OCA2: variants seen among roughly 807,000 people sequenced by gnomAD.
OCA2 encodes P protein.
In OCA2, 77 loss-of-function variants were observed where a neutral mutation model predicts 100.2. The observed-to-expected ratio is 0.77, with a 90% confidence interval of 0.64 to 0.93. The LOEUF (loss-of-function observed/expected upper bound fraction) is 0.93, where lower values mean the gene tolerates loss of function less well. Ranked by LOEUF, OCA2 falls within the 40% of genes least tolerant of loss-of-function variation. The pLI is 0.00. For synonymous variants in OCA2, 432 were observed against 439.2 expected, an observed-to-expected ratio of 0.98 and a Z score of 0.21; for missense variants, 1,062 against 1,089.1, an observed-to-expected ratio of 0.98 and a Z score of 0.35.
intron 2 of OCA2, among the ~76,000 whole-genome samples, chr15:28,056,499 C>T (rs767975786): frequency 1.3e-4 from 20 of 152,246 alleles, no homozygotes; most frequent in Non-Finnish European, 7.3e-5. Flanking sequence ...ACTGGGAAAA[C>T]GGTTGCCCTC....
chr15:27,882,586 A>AT (rs1349964545), intron 19 of OCA2, among the ~76,000 whole-genome samples: 2 of 151,888 alleles, frequency 1.3e-5, no homozygotes, highest in African/African-American at 4.8e-5. Context: ...AATTTATTAC[A>AT]TTTTTTTCTT....
chr15:27,871,716 G>A (rs999523586), intron 20 of OCA2, 147 bp downstream of exon 20: 8 of 683,880 alleles, frequency 1.2e-5, no homozygotes, highest in Admixed American at 7.6e-5. Flanking sequence ...TCATCTCTGG[G>A]CTGCACAGGA....
the OCA2 span, among the ~76,000 whole-genome samples, chr15:27,723,288 C>T: frequency 6.6e-6 from 1 of 151,984 alleles, no homozygotes; most frequent in Non-Finnish European, 1.5e-5. Context: ...TAGAATAATG[C>T]CTGGAGCATA....
chr15:28,081,938 T>A, intron 1 of OCA2, 43 bp from the exon 2 acceptor site: 1 of 1,488,422 alleles, frequency 6.7e-7, no homozygotes, highest in Non-Finnish European at 9.1e-7. Flanking sequence ...AAAGGCACAC[T>A]GAGACTAACG....
chr15:27,754,630 C>A (rs1159207192), downstream of OCA2, among the ~76,000 whole-genome samples: 1 of 152,190 alleles, frequency 6.6e-6, no homozygotes, highest in Non-Finnish European at 1.5e-5. Flanking sequence ...CCACAGCGTC[C>A]TGCAGGGAGA....
At chr15:27,903,630 C>T (rs752822945) in intron 19 of OCA2, among the ~76,000 whole-genome samples, 27 of 152,208 alleles carry the variant, frequency 1.8e-4, no homozygotes, top group Non-Finnish European at 3.4e-4. Flanking sequence ...GCCCTCCATC[C>T]CCCAGGAGCG....
intron 15 of OCA2, among the ~76,000 whole-genome samples, chr15:27,959,177 A>G (rs1446604021): frequency 6.6e-6 from 1 of 152,248 alleles, no homozygotes; most frequent in Non-Finnish European, 1.5e-5. Flanking sequence ...TACCAAGATG[A>G]AAACCTTTAG....
rs1567156106 is a variant in OCA2 at position 27,957,591 on chromosome 15, T to A, written c.1781A>T (p.His594Leu). The A allele has an allele frequency of 1.9e-6, 3 of 1,612,542 alleles. No individual in the cohort carries two copies. The highest frequency in any genetic ancestry group is 8.5e-7 in the Non-Finnish European group (1 of 1,179,868). ...HLLARRLHTF[H>L]RQISQEDKNW... ...TGAGCAGGACCCCGCCCGGTACCTG[T>A]GGAAGGTGTGCAGCCTCCGGGCGAG... The change falls in exon 16 of 24, where the codon CAC (histidine) becomes CTC (leucine). Residue 594 changes from histidine (H) to leucine (L), a missense_variant. Physicochemically the swap from His to Leu is moderately conservative, Grantham distance 99 (BLOSUM62 -3). Transcript: ENST00000354638. The surrounding 1 kb of genome is among the most constrained non-coding windows in gnomAD (Gnocchi z 4.3).
At chr15:27,833,851 C>T (rs538764065) in intron 23 of OCA2, among the ~76,000 whole-genome samples, 4 of 152,250 alleles carry the variant, frequency 2.6e-5, no homozygotes, top group South Asian at 2.1e-4. Flanking sequence ...GATCTCTGCA[C>T]GCAACTGTGC....
chr15:27,828,917 C>A (rs560934893), intron 23 of OCA2, among the ~76,000 whole-genome samples: 1 of 152,154 alleles, frequency 6.6e-6, no homozygotes, highest in Non-Finnish European at 1.5e-5. Flanking sequence ...GCTAGAAGAG[C>A]CGCTGAGACA....
At chr15:27,780,610 G>C (rs573848313) in intron 23 of OCA2, among the ~76,000 whole-genome samples, 2 of 152,318 alleles carry the variant, frequency 1.3e-5, no homozygotes, top group East Asian at 3.9e-4. Flanking sequence ...AGCAACTCAG[G>C]TTACTCGGGT....
At chr15:28,054,211 T>C (rs1365689147) in intron 2 of OCA2, among the ~76,000 whole-genome samples, 1 of 150,182 alleles carries the variant, frequency 6.7e-6, no homozygotes, top group Non-Finnish European at 1.5e-5. Context: ...TGTATGTGTG[T>C]ATGTATGTGT....
intron 18 of OCA2, among the ~76,000 whole-genome samples, chr15:27,938,919 C>T (rs1377738348): frequency 6.6e-6 from 1 of 152,176 alleles, no homozygotes; most frequent in Non-Finnish European, 1.5e-5. Flanking sequence ...GAGAAGACAG[C>T]TCACATACAA....
intron 2 of OCA2, among the ~76,000 whole-genome samples, chr15:28,061,215 T>C (rs2043862776): frequency 6.6e-6 from 1 of 152,140 alleles, no homozygotes; most frequent in Non-Finnish European, 1.5e-5. Context: ...AGGCAGAATG[T>C]CTGGCTGGAA....
intron 22 of OCA2, among the ~76,000 whole-genome samples, chr15:27,848,526 G>A (rs576107530): frequency 1.3e-4 from 20 of 152,154 alleles, no homozygotes; most frequent in Non-Finnish European, 2.5e-4. Flanking sequence ...CAGGGGGGTC[G>A]GGCCTGCACA....
At chr15:28,058,172 G>C (rs1192381033) in intron 2 of OCA2, among the ~76,000 whole-genome samples, 3 of 152,334 alleles carry the variant, frequency 2.0e-5, no homozygotes, top group East Asian at 3.9e-4. Context: ...TTGGGGAAAT[G>C]CTATCCACAT....
At chr15:27,883,788 G>C (rs565479091) in intron 19 of OCA2, among the ~76,000 whole-genome samples, 1 of 152,138 alleles carries the variant, frequency 6.6e-6, no homozygotes, top group South Asian at 2.1e-4. Flanking sequence ...TGCAGCCTGC[G>C]TTTCTGTGCT....
chr15:27,810,342 G>A (rs1276739368), intron 23 of OCA2, among the ~76,000 whole-genome samples: 3 of 152,094 alleles, frequency 2.0e-5, no homozygotes, highest in Non-Finnish European at 4.4e-5. Flanking sequence ...CTCTCACCTT[G>A]TACAAAAATC....
intron 19 of OCA2, among the ~76,000 whole-genome samples, chr15:27,904,931 A>C (rs2038112412): frequency 6.6e-6 from 1 of 152,232 alleles, no homozygotes; most frequent in Admixed American, 6.5e-5. Context: ...TGGGAGGCCA[A>C]GGCAGGCGGA....
Sources: allele counts gnomAD v4.1 joint callset (sites outside exome capture counted in the v4.1 genomes callset), GRCh38; gene constraint gnomAD v4.1.1; non-coding constraint Gnocchi (gnomAD v3.1); transcripts MANE v1.5; gene names NCBI Gene and HGNC (gene_info 2026-07-23, HGNC 2026-07-21).